CAP1: variants seen among roughly 807,000 people sequenced by gnomAD.
CAP1 encodes the protein adenylyl cyclase-associated protein 1.
A neutral mutation model predicts 58.2 loss-of-function variants in CAP1; 11 were observed. The ratio of observed to expected loss-of-function variants is 0.19; its 90% CI spans 0.12 to 0.31. The LOEUF is 0.31. Among genes scored for constraint, CAP1 ranks in the 10% least tolerant of loss-of-function variants. The pLI is 1.00. For missense variants in CAP1, 423 were observed against 587.5 expected (o/e 0.72, Z 2.89); for synonymous variants, 183 against 213.8 (o/e 0.86, Z 1.26).
chr1:40,069,437 A>G, intron 8 of CAP1: 1 of 334,566 alleles, frequency 3.0e-6, no homozygotes, highest in Non-Finnish European at 5.4e-6. Context: ...CTAGACATAG[A>G]GGATAAGGAT....
intron 1 of CAP1, among the ~76,000 whole-genome samples, chr1:40,053,986 G>A (rs1371684541): frequency 2.6e-5 from 4 of 152,058 alleles, no homozygotes; most frequent in Admixed American, 2.0e-4. Context: ...AGTGTGATTC[G>A]TGGCTGAGAA....
At chr1:40,061,596 A>T in intron 3 of CAP1, 139 bp from the exon 4 acceptor site, 1 of 729,876 alleles carries the variant, frequency 1.4e-6, no homozygotes, top group South Asian at 1.5e-5. Flanking sequence ...CAGTCCCTGG[A>T]ATCTGGAATA....
intron 1 of CAP1, among the ~76,000 whole-genome samples, chr1:40,054,222 A>G (rs71644620): frequency 0.13 from 18,850 of 144,024 alleles, 1,468 homozygotes; most frequent in African/African-American, 0.22. Flanking sequence ...ACATAATCTC[A>G]CTCTGTTGTC....
intron 1 of CAP1, among the ~76,000 whole-genome samples, chr1:40,057,222 A>C (rs1646655120): frequency 1.3e-5 from 2 of 152,204 alleles, no homozygotes; most frequent in African/African-American, 4.8e-5. Context: ...ATGTTTTAAT[A>C]ACAGAACTGA....
At position 40,045,775 on chromosome 1, in the gene CAP1, C is replaced by T. The variant is rs777067419; in HGVS notation, c.-11+4974C>T. Among the ~76,000 whole-genome samples the T allele has an allele frequency of 3.3e-5, 5 of 152,058 alleles. No individual in the cohort carries two copies. In the South Asian group the frequency reaches 1.0e-3, roughly 32 times the overall value. On this transcript the variant is annotated intron_variant, in intron 1 of 12. Coordinates refer to ENST00000372805, the MANE Select transcript of CAP1 (RefSeq NM_006367.4). ...TTTGCCATGTTGGCCAGGCTGGTCT[C>T]GAACTCCTCAAGGGAACCACCCACC... is the stretch of plus-strand genomic sequence containing the variant.
In CAP1 at chr1:40,071,657, A is replaced by G. The variant is rs1223424750; in HGVS notation, c.*124A>G. On this transcript the variant is annotated 3_prime_UTR_variant, in exon 13 of 13. Transcript: ENST00000372805. ...AAACTGCTTCTCTGCTCTGAGAAGC[A>G]CAGCTACCTGCCTTCACTGAAATAT... is the stretch of plus-strand genomic sequence containing the variant. 1 of 647,128 alleles carries G rather than the reference A, an allele frequency of 1.5e-6. No homozygotes were observed. The highest frequency in any genetic ancestry group is 2.7e-6 in the Non-Finnish European group (1 of 366,478). 40.1% of individuals were successfully genotyped at this position (647,128 alleles called of 1,614,324 possible).
intron 1 of CAP1, among the ~76,000 whole-genome samples, chr1:40,052,922 C>T (rs185215543): frequency 9.6e-4 from 142 of 148,268 alleles, no homozygotes; most frequent in Non-Finnish European, 1.5e-3. Context: ...AACCCCGTCT[C>T]TAATAAAAAT....
intron 10 of CAP1, 59 bp downstream of exon 10, chr1:40,070,341 C>T: frequency 6.2e-7 from 1 of 1,610,776 alleles, no homozygotes; most frequent in Non-Finnish European, 8.5e-7. Context: ...AGGCTAATAC[C>T]ATTTTACCTA....
Position 40,071,730 on chromosome 1 carries a change from G to A in CAP1, c.*197G>A, listed in dbSNP as rs1433865359. ...GGGATAGCAGGTCAGTTGATCTTCT[G>A]CAGGAAGGTGCAGCTTTTCCATATC... On this transcript the variant is annotated 3_prime_UTR_variant, in exon 13 of 13. Transcript: ENST00000372805. The A allele has an allele frequency of 7.1e-6, 4 of 566,086 alleles. No individual in the cohort carries two copies. The highest frequency in any genetic ancestry group is 1.3e-5 in the Non-Finnish European group (4 of 317,152). The allele number at this position is 566,086 out of a possible 1,614,324, so 35.1% of individuals were successfully genotyped here. A position where few individuals can be genotyped will look rare whatever the true frequency, so the allele number is the denominator to read the frequency against.
intron 4 of CAP1, 65 bp downstream of exon 4, chr1:40,061,877 C>G (rs1646868467): frequency 8.4e-7 from 1 of 1,186,730 alleles, no homozygotes; most frequent in South Asian, 1.2e-5. Context: ...AGATTTATGT[C>G]AAGCTATTAT....
rs1474202616 is a variant in CAP1 at position 40,072,265 on chromosome 1, A to AC, written c.*732_*733insC. 5.7e-5 allele frequency: 17 copies of AC among 299,374 alleles called. No individual in the cohort carries two copies. Among genetic ancestry groups the AC allele is most frequent in the South Asian group, 2.6e-4 (1 of 3,898 alleles). The allele number at this position is 299,374 out of a possible 1,614,324, so 18.5% of individuals were successfully genotyped here. On this transcript the variant is annotated 3_prime_UTR_variant, in exon 13 of 13. Transcript: ENST00000372805. Reference sequence around the variant, plus strand: ...TGACTTTAAAAGGAAAAAAAAAAAAAAAAAAACCCACATGATTTCAAGGAG... The same window carrying AC: ...TGACTTTAAAAGGAAAAAAAAAAAAACAAAAAACCCACATGATTTCAAGGAG...
intron 4 of CAP1, among the ~76,000 whole-genome samples, chr1:40,062,594 T>TA (rs993474587): frequency 6.6e-6 from 1 of 151,684 alleles, no homozygotes; most frequent in Admixed American, 6.6e-5. Flanking sequence ...TATTAAAAAT[T>TA]AAAAAAATAA....
Position 40,061,715 on chromosome 1 carries a change from C to T in CAP1, c.217-20C>T, listed in dbSNP as rs756027596. ...TCTAGTTATAATGTGTCATCAATAGCTGATTCTTCTTTCTGGCAGGCGGAG... is the reference window on the plus strand; with the variant it reads ...TCTAGTTATAATGTGTCATCAATAGTTGATTCTTCTTTCTGGCAGGCGGAG... On this transcript the variant is annotated intron_variant, in intron 3 of 12. Transcript: ENST00000372805. The T allele has an allele frequency of 1.9e-6, 3 of 1,606,714 alleles. No individual in the cohort carries two copies. The highest frequency in any genetic ancestry group is 2.2e-5 in the South Asian group (2 of 90,914).
Position 40,070,177 on chromosome 1 carries a change from T to C in CAP1, c.1012T>C (p.Ser338Pro). The change falls in exon 10 of 13, where the codon TCC becomes CCC. Residue 338 changes from serine to proline, a missense_variant. Physicochemically the swap from Ser to Pro is moderately conservative, Grantham distance 74. Transcript: ENST00000372805. ...CTAACAGGAAAATCAGGAAAATGTTTCCAACCTGGTGATTGAGGACACAGA... is the reference window on the plus strand; with the variant it reads ...CTAACAGGAAAATCAGGAAAATGTTCCCAACCTGGTGATTGAGGACACAGA... ...KWRVENQENV[S>P]NLVIEDTELK... 1 of 1,614,208 alleles carries C rather than the reference T, an allele frequency of 6.2e-7. No individual in the cohort carries two copies. Among genetic ancestry groups the C allele is most frequent in the Non-Finnish European group, 8.5e-7 (1 of 1,180,034 alleles).
intron 1 of CAP1, among the ~76,000 whole-genome samples, chr1:40,049,530 C>T (rs1352459497): frequency 1.3e-5 from 2 of 152,056 alleles, no homozygotes; most frequent in Non-Finnish European, 2.9e-5. Flanking sequence ...GGTTTCAAAC[C>T]ACAATAGACA....
intron 1 of CAP1, among the ~76,000 whole-genome samples, chr1:40,044,226 GTC>G (rs1645976726): frequency 6.6e-6 from 1 of 151,354 alleles, no homozygotes; most frequent in Non-Finnish European, 1.5e-5. Context: ...TGAGACCCCT[GTC>G]TCTACCAGAA....
At chr1:40,045,779 C>T (rs1307993367) in intron 1 of CAP1, among the ~76,000 whole-genome samples, 1 of 152,196 alleles carries the variant, frequency 6.6e-6, no homozygotes, top group Non-Finnish European at 1.5e-5. Context: ...TGGTCTCGAA[C>T]TCCTCAAGGG....
At chr1:40,040,662 C>T (rs1645768701), upstream of CAP1, 1 of 152,734 alleles carries the variant, frequency 6.5e-6, no homozygotes, top group South Asian at 2.1e-4. Context: ...CAGCCTAGCG[C>T]TTCAGCCGGC....
At chr1:40,042,980 A>G (rs1049734949) in intron 1 of CAP1, among the ~76,000 whole-genome samples, 1 of 152,144 alleles carries the variant, frequency 6.6e-6, no homozygotes, top group African/African-American at 2.4e-5. Flanking sequence ...GGGAAGTGAC[A>G]TGGGAAAAAA....
Sources: allele counts gnomAD v4.1 joint callset (sites outside exome capture counted in the v4.1 genomes callset), GRCh38; gene constraint gnomAD v4.1.1; transcripts MANE v1.5; gene names NCBI Gene and HGNC (gene_info 2026-07-23, HGNC 2026-07-21).